The following MCC variants were observed in gnomAD, a reference collection of about 807,000 sequenced individuals.
MCC encodes colorectal mutant cancer protein.
In MCC, 90 loss-of-function variants were observed where a neutral mutation model predicts 116.2. That is an observed-to-expected ratio of 0.77 (90% confidence interval 0.65 to 0.92). The LOEUF is 0.92. Among genes scored for constraint, MCC ranks in the 40% least tolerant of loss-of-function variants. The probability of loss-of-function intolerance (pLI) is 0.00; values close to 1 mark genes in which losing one functional copy is unlikely to be tolerated. For missense variants in MCC, 1,516 were observed against 1,312.2 expected (o/e 1.16, Z -2.40); for synonymous variants, 578 against 510.5 (o/e 1.13, Z -1.78).
chr5:113,139,603 A>G (rs1032981346), intron 5 of MCC, among the ~76,000 whole-genome samples: 39 of 152,324 alleles, frequency 2.6e-4, no homozygotes, highest in African/African-American at 8.2e-4. Flanking sequence ...GTCAGGAAAC[A>G]ACAGATGCTG....
chr5:113,120,689 G>A (rs1757686197), intron 6 of MCC, among the ~76,000 whole-genome samples: 1 of 152,184 alleles, frequency 6.6e-6, no homozygotes, highest in Non-Finnish European at 1.5e-5. Flanking sequence ...TTTAGTGGGA[G>A]AATCAGTCAA....
At chr5:113,315,719 A>G (rs569825943) in intron 3 of MCC, among the ~76,000 whole-genome samples, 69 of 151,686 alleles carry the variant, frequency 4.5e-4, no homozygotes, top group African/African-American at 1.4e-3. Context: ...AAAAAAAAAA[A>G]AAAAAAAAAT....
chr5:113,332,488 C>T (rs530597032), intron 3 of MCC, among the ~76,000 whole-genome samples: 1 of 148,048 alleles, frequency 6.8e-6, no homozygotes, highest in African/African-American at 2.6e-5. Flanking sequence ...GGTGGGAAGA[C>T]TGCTTGAGCC....
chr5:113,168,879 G>C (rs976226415), intron 3 of MCC, among the ~76,000 whole-genome samples: 1 of 152,152 alleles, frequency 6.6e-6, no homozygotes, highest in Non-Finnish European at 1.5e-5. Context: ...ATTCAGGCTT[G>C]ACTAGTAGCA....
rs1283337020 is a variant in MCC at position 113,456,625 on chromosome 5, T to TTTTTTTTC, written c.170+31619_170+31620insGAAAAAAA. The stretch of plus-strand genomic sequence containing the variant: ...TCACCCGCCACCATGCCCAGCTAAT[T>TTTTTTTTC]TTTTTTTTTTTTTTTTTTTTTTTTT... On this transcript the variant is annotated intron_variant, in intron 1 of 18. Transcript: ENST00000408903. 2.9e-3 allele frequency among the ~76,000 whole-genome samples: 160 copies of TTTTTTTTC among 55,914 alleles called. 2 individuals carry two copies. The highest frequency in any genetic ancestry group is 7.3e-3 in the African/African-American group (157 of 21,420). 36.7% of individuals were successfully genotyped at this position (55,914 alleles called of 152,430 possible). A position where few individuals can be genotyped will look rare whatever the true frequency, so the allele number is the denominator to read the frequency against.
intron 1 of MCC, among the ~76,000 whole-genome samples, chr5:113,456,623 A>ATTTTTTTTTTTTTTTT (rs34111159): frequency 3.7e-4 from 19 of 51,074 alleles, no homozygotes; most frequent in Non-Finnish European, 5.2e-4. Context: ...TGCCCAGCTA[A>ATTTTTTTTTTTTTTTT]TTTTTTTTTT....
chr5:113,255,377 T>A lies in MCC; in HGVS notation c.627+85142A>T, dbSNP rs1581324754. 2.6e-5 allele frequency among the ~76,000 whole-genome samples: 4 copies of A among 152,224 alleles called. No homozygotes were observed. The South Asian group carries it at 8.3e-4, about 32-fold the overall frequency. ...TATTAAGAATGATTGGACAGAAGGG[T>A]AAAAGGTCCAAAATGAATTCCATGA... On this transcript the variant is annotated intron_variant, in intron 3 of 18. Coordinates refer to ENST00000408903, the MANE Select transcript of MCC (RefSeq NM_001085377.2).
chr5:113,104,143 T>C, intron 7 of MCC, 49 bp downstream of exon 7: 1 of 1,519,756 alleles, frequency 6.6e-7, no homozygotes, highest in Non-Finnish European at 8.9e-7. Flanking sequence ...ATTGGACCAT[T>C]TCCCTTTCAG....
chr5:113,443,746 G>C (rs1771120373), intron 1 of MCC, among the ~76,000 whole-genome samples: 1 of 152,156 alleles, frequency 6.6e-6, no homozygotes, highest in Non-Finnish European at 1.5e-5. Context: ...TGTATCTCTT[G>C]AGATAATCAT....
chr5:113,280,157 C>G (rs928915698), intron 3 of MCC, among the ~76,000 whole-genome samples: 3 of 152,152 alleles, frequency 2.0e-5, no homozygotes, highest in Non-Finnish European at 4.4e-5. Context: ...ACAAAGCTCT[C>G]CAACCCCAGT....
intron 1 of MCC, among the ~76,000 whole-genome samples, chr5:113,454,728 G>C (rs1771497268): frequency 6.6e-6 from 1 of 152,054 alleles, no homozygotes. Context: ...TTTATTAGTA[G>C]AAAAATCATA....
At chr5:113,168,021 A>G (rs1317458498) in intron 3 of MCC, among the ~76,000 whole-genome samples, 2 of 152,224 alleles carry the variant, frequency 1.3e-5, no homozygotes, top group Non-Finnish European at 2.9e-5. Context: ...CTCATTTCAG[A>G]TATCACATTT....
At chr5:113,049,412 A>G (rs762252346) in intron 15 of MCC, 113 bp from the exon 16 acceptor site, 17 of 820,900 alleles carry the variant, frequency 2.1e-5, no homozygotes, top group Non-Finnish European at 3.0e-5. Flanking sequence ...GGCCCATGGT[A>G]GAGTTCTCAC....
chr5:113,145,137 ACT>A (rs2150287165), intron 4 of MCC, among the ~76,000 whole-genome samples: 1 of 152,338 alleles, frequency 6.6e-6, no homozygotes, highest in East Asian at 1.9e-4. Flanking sequence ...AGAACAGAAC[ACT>A]GTTCCTCTCA....
intron 3 of MCC, among the ~76,000 whole-genome samples, chr5:113,165,800 A>T (rs1760737547): frequency 1.3e-5 from 2 of 152,206 alleles, no homozygotes; most frequent in Non-Finnish European, 2.9e-5. Flanking sequence ...TAATAGAAAC[A>T]GCTTCATTGC....
intron 2 of MCC, among the ~76,000 whole-genome samples, chr5:113,375,646 T>C (rs960379944): frequency 6.6e-6 from 1 of 152,158 alleles, no homozygotes; most frequent in Non-Finnish European, 1.5e-5. Flanking sequence ...ACTTAGTCCA[T>C]GTCTGGGGCT....
intron 1 of MCC, among the ~76,000 whole-genome samples, chr5:113,391,329 C>A (rs1408109419): frequency 6.6e-6 from 1 of 152,086 alleles, no homozygotes; most frequent in Non-Finnish European, 1.5e-5. Context: ...TTATAGCCAG[C>A]CAGTGTGATG....
At chr5:113,487,631 C>A (rs1356192724) in intron 1 of MCC, among the ~76,000 whole-genome samples, 2 of 152,248 alleles carry the variant, frequency 1.3e-5, no homozygotes, top group South Asian at 2.1e-4. Context: ...TCGGGTCTAG[C>A]CCTAGTTTGC....
chr5:113,199,424 A>T (rs1361696773), intron 3 of MCC, among the ~76,000 whole-genome samples: 1 of 152,218 alleles, frequency 6.6e-6, no homozygotes, highest in Non-Finnish European at 1.5e-5. Flanking sequence ...AGGGGTCCTG[A>T]ACCTGGAGTC....
Sources: allele counts gnomAD v4.1 joint callset (sites outside exome capture counted in the v4.1 genomes callset), GRCh38; gene constraint gnomAD v4.1.1; transcripts MANE v1.5; gene names NCBI Gene and HGNC (gene_info 2026-07-23, HGNC 2026-07-21).